Variants in SMIM21 observed in about 807,000 individuals in gnomAD.
SMIM21 encodes the protein small integral membrane protein 21.
A neutral mutation model predicts 8.6 loss-of-function variants in SMIM21; 8 were observed. That is an observed-to-expected ratio of 0.93 (90% CI 0.55 to 1.68). The LOEUF (loss-of-function observed/expected upper bound fraction) is 1.68. Among genes scored for constraint, SMIM21 ranks in the 40% most tolerant of loss-of-function variants. The pLI, the probability that SMIM21 is intolerant of heterozygous loss-of-function variation, is 0.00. For missense variants in SMIM21, 132 were observed against 123.0 expected (o/e 1.07, Z -0.35); for synonymous variants, 43 against 41.7 (o/e 1.03, Z -0.12).
intron 2 of SMIM21, among the ~76,000 whole-genome samples, chr18:75,414,143 T>A (rs1230450490): frequency 2.4e-5 from 3 of 127,148 alleles, no homozygotes; most frequent in South Asian, 2.5e-4. Flanking sequence ...ACACACACAG[T>A]CATTATCTAG....
intron 1 of SMIM21, among the ~76,000 whole-genome samples, chr18:75,421,722 T>C (rs1388699264): frequency 2.6e-5 from 4 of 152,162 alleles, no homozygotes; most frequent in Non-Finnish European, 4.4e-5. Flanking sequence ...TTTGTTCAGC[T>C]CAGCTCCATG....
chr18:75,410,941 TA>T (rs780205185), intron 2 of SMIM21, 32 bp from the exon 3 acceptor site: 5 of 1,612,328 alleles, frequency 3.1e-6, no homozygotes, highest in Non-Finnish European at 2.5e-6. Flanking sequence ...AAAAGCATTT[TA>T]TTTTTTTGAT....
chr18:75,414,688 T>A (rs913133901), intron 2 of SMIM21, among the ~76,000 whole-genome samples: 1 of 152,190 alleles, frequency 6.6e-6, no homozygotes, highest in Non-Finnish European at 1.5e-5. Context: ...ATGGAGGATG[T>A]TTCTTATTGT....
intron 1 of SMIM21, among the ~76,000 whole-genome samples, chr18:75,427,076 G>A (rs975086342): frequency 1.1e-4 from 17 of 152,166 alleles, no homozygotes; most frequent in African/African-American, 4.1e-4. Flanking sequence ...TGTTGCAGGT[G>A]CACCTAGGCT....
Position 75,427,436 on chromosome 18 carries a change from G to C in SMIM21, c.128C>G (p.Thr43Arg), listed in dbSNP as rs1375935791. The C allele has an allele frequency of 1.2e-6, 2 of 1,613,676 alleles. No homozygotes were observed. Among genetic ancestry groups the C allele is most frequent in the Non-Finnish European group, 1.7e-6 (2 of 1,179,776 alleles). Residue 43 changes from threonine (T) to arginine (R), a missense_variant and splice_region_variant, in exon 1 of 3, where the codon ACA (threonine) becomes AGA (arginine). By Grantham distance (71) the Thr-to-Arg change is moderately conservative. Coordinates refer to ENST00000579022, the MANE Select transcript of SMIM21 (RefSeq NM_001037331.3). ...AAAGTTAAAGACCCATAAACTCACT[G>C]TGGTAAGTGCTTTCTTCTGCAGCAA... is the stretch of plus-strand genomic sequence containing the variant. ...GNLLQKKALT[T>R]FENEHHIRFF...
rs184919494 is a variant in SMIM21, at chr18:75,411,186, T to G, written c.261-277A>C. On this transcript the variant is annotated intron_variant, in intron 2 of 2. Coordinates refer to ENST00000579022, the MANE Select transcript of SMIM21 (RefSeq NM_001037331.3). The stretch of plus-strand genomic sequence containing the variant: ...AGGCCACAAAGACAGTAATGTAGGA[T>G]GCACTGGCTTCTCAAAGCCCTTACT... Among the ~76,000 whole-genome samples the G allele has an allele frequency of 4.2e-4, 64 of 152,316 alleles. No homozygotes were observed. In the East Asian group the frequency reaches 0.01, roughly 24 times the overall value.
chr18:75,411,712 AAAT>A (rs2024586862), intron 2 of SMIM21, among the ~76,000 whole-genome samples: 1 of 152,290 alleles, frequency 6.6e-6, no homozygotes, highest in African/African-American at 2.4e-5. Flanking sequence ...TCAACACTAA[AAAT>A]AATATTTAGC....
chr18:75,418,013 T>C (rs992103786), intron 2 of SMIM21: 1 of 391,806 alleles, frequency 2.6e-6, no homozygotes, highest in Admixed American at 4.4e-5. Context: ...TCAGTTTTGA[T>C]GTGAGGACTG....
At chr18:75,427,345 G>A (rs1337630456) in intron 1 of SMIM21, 90 bp downstream of exon 1, 2 of 1,381,100 alleles carry the variant, frequency 1.4e-6, no homozygotes, top group African/African-American at 1.4e-5. Flanking sequence ...GCACTCACAG[G>A]AGATTGGGGC....
chr18:75,415,986 T>C (rs1455939687), intron 2 of SMIM21: 7 of 152,266 alleles, frequency 4.6e-5, no homozygotes, highest in Non-Finnish European at 1.0e-4. Flanking sequence ...ATGTTTACTG[T>C]TACAGTACTC....
In SMIM21 at chr18:75,410,300, T is replaced by G. The variant is rs2024569488; in HGVS notation, c.*564A>C. The G allele has an allele frequency of 6.5e-6, 1 of 152,838 alleles. No individual in the cohort carries two copies. The highest frequency in any genetic ancestry group is 1.5e-5 in the Non-Finnish European group (1 of 68,200). 9.5% of individuals were successfully genotyped at this position (152,838 alleles called of 1,614,324 possible). A position where few individuals can be genotyped will look rare whatever the true frequency, so the allele number is the denominator to read the frequency against. On this transcript the variant is annotated 3_prime_UTR_variant, in exon 3 of 3. Coordinates refer to ENST00000579022, the MANE Select transcript of SMIM21 (RefSeq NM_001037331.3). ...TGATTCTCAGTGTGTCTCTGCTGGT[T>G]TTATTACAGTAATGAGGACTGTCGG...
intron 2 of SMIM21, chr18:75,417,056 A>G (rs1568152384): frequency 6.6e-6 from 1 of 152,204 alleles, no homozygotes; most frequent in Admixed American, 6.5e-5. Context: ...AACCCAAGGT[A>G]ATAAAATCCC....
At chr18:75,414,521 C>G (rs1285257988) in intron 2 of SMIM21, among the ~76,000 whole-genome samples, 1 of 151,996 alleles carries the variant, frequency 6.6e-6, no homozygotes, top group Non-Finnish European at 1.5e-5. Context: ...AAAGATGGGT[C>G]AAGGAGAAGA....
At chr18:75,414,076 C>CACACACACAT (rs2024612873) in intron 2 of SMIM21, among the ~76,000 whole-genome samples, 1 of 85,602 alleles carries the variant, frequency 1.2e-5, no homozygotes, top group Non-Finnish European at 2.1e-5. Flanking sequence ...CTCTCTGTCT[C>CACACACACAT]ACACACACAC....
chr18:75,426,978 A>C (rs2024771165), intron 1 of SMIM21, among the ~76,000 whole-genome samples: 1 of 152,192 alleles, frequency 6.6e-6, no homozygotes, highest in Non-Finnish European at 1.5e-5. Context: ...ATTTGTTGCA[A>C]CTTTTGCTTC....
intron 1 of SMIM21, among the ~76,000 whole-genome samples, chr18:75,419,333 G>C (rs1460201081): frequency 6.6e-6 from 1 of 152,156 alleles, no homozygotes; most frequent in African/African-American, 2.4e-5. Flanking sequence ...GTGTTCCAGT[G>C]TGATTTGAGC....
Position 75,410,924 on chromosome 18 carries a change from A to T in SMIM21, c.261-15T>A. ...AACGTAGAAAGCTGCAAGAGACAAA[A>T]GGGGGAAAAAGCATTTTATTTTTTT... On this transcript the variant is annotated splice_polypyrimidine_tract_variant and intron_variant, in intron 2 of 2. Coordinates refer to ENST00000579022, the MANE Select transcript of SMIM21 (RefSeq NM_001037331.3). 6.2e-7 allele frequency: 1 copy of T among 1,613,946 alleles called. No individual in the cohort carries two copies. Among genetic ancestry groups the T allele is most frequent in the Non-Finnish European group, 8.5e-7 (1 of 1,179,926 alleles).
At chr18:75,420,781 C>A (rs2024699754) in intron 1 of SMIM21, among the ~76,000 whole-genome samples, 1 of 152,152 alleles carries the variant, frequency 6.6e-6, no homozygotes, top group Non-Finnish European at 1.5e-5. Flanking sequence ...GATGATGGAG[C>A]AGAAAGAAAT....
chr18:75,418,794 T>C lies in SMIM21; in HGVS notation c.252A>G (p.Ile84Met). 6.9e-6 allele frequency: 11 copies of C among 1,604,818 alleles called. No individual in the cohort carries two copies. The highest frequency in any genetic ancestry group is 9.4e-6 in the Non-Finnish European group (11 of 1,175,974). ...VSEDWKRANS[I>M]FRNFLRLKSS... is the part of the protein sequence containing the mutation. ...GGTTATCGTTTACCTACTTTCGAAATATGCTGTTGGCCCTTTTCCAGTCTT... is the reference window on the plus strand; with the variant it reads ...GGTTATCGTTTACCTACTTTCGAAACATGCTGTTGGCCCTTTTCCAGTCTT... The change falls in exon 2 of 3, where the codon ATA becomes ATG. Residue 84 changes from isoleucine (I) to methionine (M), a missense_variant. Transcript: ENST00000579022.
Sources: allele counts gnomAD v4.1 joint callset (sites outside exome capture counted in the v4.1 genomes callset), GRCh38; gene constraint gnomAD v4.1.1; transcripts MANE v1.5; gene names NCBI Gene and HGNC (gene_info 2026-07-23, HGNC 2026-07-21).